PPP1R10: variants seen among roughly 807,000 people sequenced by gnomAD.
The protein encoded by PPP1R10 is serine/threonine-protein phosphatase 1 regulatory subunit 10.
Under a neutral mutation model 99.0 loss-of-function variants are expected in PPP1R10, and 15 were observed. That is an observed-to-expected ratio of 0.15 (90% CI 0.10 to 0.23). The LOEUF is 0.23. Ranked by LOEUF, PPP1R10 falls within the 10% of genes least tolerant of loss-of-function variation. PPP1R10 has a pLI of 1.00. For synonymous variants in PPP1R10, 430 were observed against 449.5 expected (o/e 0.96, Z 0.55); for missense variants, 947 against 1,259.4 (o/e 0.75, Z 3.75).
At position 30,601,296 on chromosome 6, in the gene PPP1R10, C is replaced by A; in HGVS notation, c.*253G>T. The A allele has an allele frequency of 1.9e-6, 1 of 515,804 alleles. No individual in the cohort carries two copies. The highest frequency in any genetic ancestry group is 3.4e-6 in the Non-Finnish European group (1 of 291,074). The allele number at this position is 515,804 out of a possible 1,614,324, so 32.0% of individuals were successfully genotyped here. ...GGGCGAATCTTCTCAAAAAGTGAAG[C>A]CAACTGGGTCTCCTCTTCAGCAGTC... is the stretch of plus-strand genomic sequence containing the variant. On this transcript the variant is annotated 3_prime_UTR_variant, in exon 20 of 20. Transcript: ENST00000376511.
At position 30,605,066 on chromosome 6, in the gene PPP1R10, A is replaced by G; in HGVS notation, c.882T>C (p.Ala294=). The G allele has an allele frequency of 6.2e-7, 1 of 1,612,964 alleles. No homozygotes were observed. The highest frequency in any genetic ancestry group is 1.3e-5 in the African/African-American group (1 of 75,004). ...QPMEGLGFLD[A]LNSAPVPGIK... is the part of the protein sequence containing the mutation. ...TGCCTGGAACAGGGGCTGAATTAAG[A>G]GCATCCAGAAAGCCCAGGCCCTCCA... The change falls in exon 11 of 20, where the codon GCT becomes GCC. Residue 294 remains alanine (A), a synonymous_variant. Transcript: ENST00000376511.
At chr6:30,615,182 C>G (rs1032073248) in intron 2 of PPP1R10, among the ~76,000 whole-genome samples, 1 of 151,298 alleles carries the variant, frequency 6.6e-6, no homozygotes, top group African/African-American at 2.4e-5. Context: ...TAAAAAGCCA[C>G]CCGGCTCTGC....
At position 30,605,004 on chromosome 6, in the gene PPP1R10, G is replaced by A. The variant is rs1278452243; in HGVS notation, c.944C>T (p.Thr315Met). 5.6e-6 allele frequency: 9 copies of A among 1,612,810 alleles called. No homozygotes were observed. The highest frequency in any genetic ancestry group is 2.2e-5 in the East Asian group (1 of 44,902). ...TCTGGGAGCCCATACCTTGGCAGCC[G>A]TAGGTGACAGTACTTTTTTTTTCTT... ...IKKKKKVLSP[T>M]AAKPSPFEGK... The change falls in exon 11 of 20, where the codon ACG (threonine) becomes ATG (methionine). Residue 315 changes from threonine (T) to methionine (M), a missense_variant. Thr to Met is a moderately conservative substitution (Grantham distance 81). Around this residue, in one of 10 missense-constraint regions of PPP1R10, gnomAD observed 26 missense variants for 56.6 expected, o/e 0.46. Coordinates refer to ENST00000376511, the MANE Select transcript of PPP1R10 (RefSeq NM_002714.4).
At position 30,604,040 on chromosome 6, in the gene PPP1R10, T is replaced by C. The variant is rs1803659841; in HGVS notation, c.1476A>G (p.Gly492=). The change falls in exon 14 of 20, where the codon GGA becomes GGG. Residue 492 remains glycine, a synonymous_variant. Transcript: ENST00000376511. This position sits in a 1 kb window ranked among gnomAD's most constrained non-coding sequence, Gnocchi z 7.3. ...ERYIQAEREK[G]ILQELFLNKE... ...TGTTCAGGAAGAGCTCCTGAAGGATTCCCTTCTCCCGCTCAGCCTGGATAT... is the reference window on the plus strand; with the variant it reads ...TGTTCAGGAAGAGCTCCTGAAGGATCCCCTTCTCCCGCTCAGCCTGGATAT... 3.7e-6 allele frequency: 6 copies of C among 1,608,584 alleles called. No individual in the cohort carries two copies. Among genetic ancestry groups the C allele is most frequent in the Non-Finnish European group, 5.1e-6 (6 of 1,176,906 alleles).
At position 30,606,699 on chromosome 6, in the gene PPP1R10, G is replaced by T; in HGVS notation, c.461-58C>A. On this transcript the variant is annotated intron_variant, in intron 7 of 19. Transcript: ENST00000376511. The surrounding 1 kb of genome is among the most constrained non-coding windows in gnomAD (Gnocchi z 6.3). ...TATTTAGATGAACACTGTCAGAGGT[G>T]AAGCAGACTGGGAGCACCTAAAGGC... The T allele has an allele frequency of 6.2e-7, 1 of 1,612,348 alleles. No individual in the cohort carries two copies. Among genetic ancestry groups the T allele is most frequent in the Non-Finnish European group, 8.5e-7 (1 of 1,178,378 alleles).
intron 2 of PPP1R10, among the ~76,000 whole-genome samples, chr6:30,614,818 G>A (rs1253943355): frequency 1.3e-5 from 2 of 152,132 alleles, no homozygotes; most frequent in African/African-American, 4.8e-5. Context: ...ATGAGTGAAG[G>A]AAAGTGAAAA....
At chr6:30,607,225 T>A (rs1395064518) in intron 6 of PPP1R10, among the ~76,000 whole-genome samples, 1 of 152,240 alleles carries the variant, frequency 6.6e-6, no homozygotes, top group South Asian at 2.1e-4. Flanking sequence ...AAAGAACTTA[T>A]ACATGTAACC....
Position 30,607,902 on chromosome 6 carries a change from T to C in PPP1R10, c.331-11A>G, listed in dbSNP as rs1411233172. ...TTTAGCTGTGTTGTTCTATGAGAGATGGGAGCAGCAGAAAGGTAAATGCCA... is the reference window on the plus strand; with the variant it reads ...TTTAGCTGTGTTGTTCTATGAGAGACGGGAGCAGCAGAAAGGTAAATGCCA... On this transcript the variant is annotated splice_polypyrimidine_tract_variant and intron_variant, in intron 5 of 19. Transcript: ENST00000376511. 2.5e-6 allele frequency: 4 copies of C among 1,612,656 alleles called. No individual in the cohort carries two copies. Among genetic ancestry groups the C allele is most frequent in the Admixed American group, 1.7e-5 (1 of 59,982 alleles).
intron 15 of PPP1R10, 48 bp downstream of exon 15, chr6:30,603,732 G>A (rs777426017): frequency 3.2e-6 from 5 of 1,544,928 alleles, no homozygotes; most frequent in Admixed American, 4.1e-5. Context: ...AAGATGCACC[G>A]AATTCAATGA....
chr6:30,602,477 G>A lies in PPP1R10; in HGVS notation c.2172C>T (p.Gly724=), dbSNP rs139035951. ...CTCCTCCAGAGCGACCTCCTCTGGC[G>A]CCTCGGAATGGAGGAGGAGGAGGAG... is the stretch of plus-strand genomic sequence containing the variant. ...EPPPPPPPFR[G]ARGGRSGGGP... Residue 724 remains glycine, a synonymous_variant, in exon 19 of 20, where the codon GGC becomes GGT. Transcript: ENST00000376511. The surrounding 1 kb of genome is among the most constrained non-coding windows in gnomAD (Gnocchi z 6.7). 1.2e-4 allele frequency: 196 copies of A among 1,585,468 alleles called. No homozygotes were observed. In the African/African-American group the frequency reaches 2.3e-3, roughly 19 times the overall value.
At position 30,603,649 on chromosome 6, in the gene PPP1R10, C is replaced by T. The variant is rs1282243291; in HGVS notation, c.1590G>A (p.Glu530=). The part of the protein sequence containing the change: ...IPLDEECSMD[E]TPYVETLEPG... ...GTTCCAGAGTCTCAACATACGGAGTCTCATCCATGGAACACTCCTGAAAGA... is the reference window on the plus strand; with the variant it reads ...GTTCCAGAGTCTCAACATACGGAGTTTCATCCATGGAACACTCCTGAAAGA... The change falls in exon 16 of 20, where the codon GAG becomes GAA. Residue 530 remains glutamate (E), a synonymous_variant. Transcript: ENST00000376511. The T allele has an allele frequency of 6.2e-7, 1 of 1,605,406 alleles. No homozygotes were observed. Among genetic ancestry groups the T allele is most frequent in the East Asian group, 2.2e-5 (1 of 44,796 alleles).
intron 2 of PPP1R10, among the ~76,000 whole-genome samples, chr6:30,614,395 G>A (rs2127452572): frequency 6.6e-6 from 1 of 152,164 alleles, no homozygotes; most frequent in Non-Finnish European, 1.5e-5. Flanking sequence ...GTTTACAACT[G>A]CCGCCTCCTT....
At chr6:30,616,396 C>T (rs755650360) in intron 2 of PPP1R10, 82 bp downstream of exon 2, 3 of 152,582 alleles carry the variant, frequency 2.0e-5, no homozygotes, top group Non-Finnish European at 4.4e-5. Context: ...GGTCTCATTT[C>T]TTCCTCTCAT....
intron 2 of PPP1R10, among the ~76,000 whole-genome samples, chr6:30,615,229 T>TAAAAAAAAAAAAAAAA (rs5875265): frequency 3.6e-5 from 4 of 109,764 alleles, no homozygotes; most frequent in Non-Finnish European, 6.0e-5. Flanking sequence ...ACCTTTTTAG[T>TAAAAAAAAAAAAAAAA]AAAAAAAAAA....
At chr6:30,605,849 G>C (rs1446736256) in intron 10 of PPP1R10, 74 bp downstream of exon 10, 9 of 1,359,384 alleles carry the variant, frequency 6.6e-6, no homozygotes, top group Non-Finnish European at 9.1e-6. Context: ...GACAGAGTGA[G>C]ACTCTGTCTC....
Position 30,605,964 on chromosome 6 carries a change from T to C in PPP1R10, c.812A>G (p.Asn271Ser). Residue 271 changes from asparagine (N) to serine (S), a missense_variant, in exon 10 of 20, where the codon AAT becomes AGT. By Grantham distance (46) the Asn-to-Ser change is conservative (BLOSUM62 1). Coordinates refer to ENST00000376511, the MANE Select transcript of PPP1R10 (RefSeq NM_002714.4). ...KKYKPLNTTPNATKEIKVKII... is the reference protein window; with the variant it reads ...KKYKPLNTTPSATKEIKVKII... ...CTTCACTTTGATCTCTTTGGTGGCA[T>C]TAGGTGTTGTGTTGAGTGGCTTGTA... is the stretch of plus-strand genomic sequence containing the variant. The C allele has an allele frequency of 1.9e-6, 3 of 1,613,992 alleles. No homozygotes were observed. In the East Asian group the frequency reaches 6.7e-5, roughly 36 times the overall value.
At position 30,601,352 on chromosome 6, in the gene PPP1R10, G is replaced by A; in HGVS notation, c.*197C>T. On this transcript the variant is annotated 3_prime_UTR_variant, in exon 20 of 20. Coordinates refer to ENST00000376511, the MANE Select transcript of PPP1R10 (RefSeq NM_002714.4). The stretch of plus-strand genomic sequence containing the variant: ...ACGTTTCCAGTCTCTCTCCTCCCCA[G>A]ACTGGAGGAAAATATGTACATCAAT... 1.7e-6 allele frequency: 1 copy of A among 585,358 alleles called. No individual in the cohort carries two copies. Among genetic ancestry groups the A allele is most frequent in the Non-Finnish European group, 3.0e-6 (1 of 328,742 alleles). The allele number at this position is 585,358 out of a possible 1,614,324, so 36.3% of individuals were successfully genotyped here. A position where few individuals can be genotyped will look rare whatever the true frequency, so the allele number is the denominator to read the frequency against.
intron 2 of PPP1R10, among the ~76,000 whole-genome samples, chr6:30,616,117 G>A (rs1760500947): frequency 6.6e-6 from 1 of 152,182 alleles, no homozygotes; most frequent in Non-Finnish European, 1.5e-5. Flanking sequence ...TAACCCTTTT[G>A]AAGACTGCTG....
chr6:30,602,334 C>A lies in PPP1R10; in HGVS notation c.2315G>T (p.Gly772Val). ...CCCACTTCCCATGCCACCGCCAGGGCCTTCGTGGGGACGATGTCCACTGCT... is the reference window on the plus strand; with the variant it reads ...CCCACTTCCCATGCCACCGCCAGGGACTTCGTGGGGACGATGTCCACTGCT... ...GNSSGHRPHEGPGGGMGSGHR... is the reference protein window; with the variant it reads ...GNSSGHRPHEVPGGGMGSGHR... Residue 772 changes from glycine (G) to valine (V), a missense_variant, in exon 19 of 20, where the codon GGC becomes GTC. By Grantham distance (109) the Gly-to-Val change is moderately radical (BLOSUM62 -3). Coordinates refer to ENST00000376511, the MANE Select transcript of PPP1R10 (RefSeq NM_002714.4). The surrounding 1 kb of genome is among the most constrained non-coding windows in gnomAD (Gnocchi z 6.7). 1 of 1,612,628 alleles carries A rather than the reference C, an allele frequency of 6.2e-7. No homozygotes were observed. Among genetic ancestry groups the A allele is most frequent in the Non-Finnish European group, 8.5e-7 (1 of 1,179,874 alleles).
Sources: allele counts gnomAD v4.1 joint callset (sites outside exome capture counted in the v4.1 genomes callset), GRCh38; gene constraint gnomAD v4.1.1; regional missense constraint gnomAD v4.1.1; non-coding constraint Gnocchi (gnomAD v3.1); transcripts MANE v1.5; gene names NCBI Gene and HGNC (gene_info 2026-07-23, HGNC 2026-07-21).